The following OS9 variants were observed in gnomAD, a reference collection of about 807,000 sequenced individuals.
OS9 encodes the protein protein OS-9.
In OS9, 58 loss-of-function variants were observed where a neutral mutation model predicts 84.7. The observed-to-expected ratio is 0.68, with a 90% CI of 0.55 to 0.85. The LOEUF is 0.85. Among genes scored for constraint, OS9 ranks in the 40% least tolerant of loss-of-function variants. The pLI, the probability that OS9 is intolerant of heterozygous loss-of-function variation, is 0.00. For missense variants in OS9, 760 were observed against 850.9 expected (o/e 0.89, Z 1.33); for synonymous variants, 278 against 320.8 (o/e 0.87, Z 1.43).
At chr12:57,720,603 C>T in intron 14 of OS9, 85 bp downstream of exon 14, 2 of 1,279,852 alleles carry the variant, frequency 1.6e-6, no homozygotes, top group Non-Finnish European at 2.3e-6. Flanking sequence ...CATTGCTGAG[C>T]TTCCATTTCC....
In OS9 at chr12:57,716,393, C is replaced by A. The variant is rs1037284074; in HGVS notation, c.893-19C>A. 2 of 1,538,842 alleles carry A rather than the reference C, an allele frequency of 1.3e-6. No homozygotes were observed. Among genetic ancestry groups the A allele is most frequent in the Non-Finnish European group, 1.8e-6 (2 of 1,135,038 alleles). ...ACCCCTCCTGTCAGATCAGTCTCTC[C>A]CTGTTCTCTGTACCCTAGGTGCGAG... is the stretch of plus-strand genomic sequence containing the variant. On this transcript the variant is annotated intron_variant, in intron 7 of 14. Coordinates refer to ENST00000315970, the MANE Select transcript of OS9 (RefSeq NM_006812.4).
At chr12:57,697,730 T>G (rs904335556) in intron 5 of OS9, among the ~76,000 whole-genome samples, 3 of 152,194 alleles carry the variant, frequency 2.0e-5, no homozygotes, top group African/African-American at 7.2e-5. Context: ...GGCCTTTTTC[T>G]GTCCTTCGAA....
At chr12:57,700,133 G>A (rs1953977938) in intron 5 of OS9, among the ~76,000 whole-genome samples, 1 of 151,418 alleles carries the variant, frequency 6.6e-6, no homozygotes, top group African/African-American at 2.4e-5. Context: ...AAAAGAAACT[G>A]GAAATCTTTG....
Position 57,715,894 on chromosome 12 carries a change from T to G in OS9, c.714T>G (p.Ser238Arg). ...CPHPLLRPPPSAAPQAILCHP... is the reference protein window; with the variant it reads ...CPHPLLRPPPRAAPQAILCHP... ...ACCCTCTCCTCCGGCCCCCACCCAG[T>G]GCTGCACCGCAGGCCATCCTCTGTC... Residue 238 changes from serine to arginine, a missense_variant, in exon 6 of 15, where the codon AGT becomes AGG. By Grantham distance (110) the Ser-to-Arg change is moderately radical. Coordinates refer to ENST00000315970, the MANE Select transcript of OS9 (RefSeq NM_006812.4). 1 of 1,613,454 alleles carries G rather than the reference T, an allele frequency of 6.2e-7. No individual in the cohort carries two copies. The highest frequency in any genetic ancestry group is 8.5e-7 in the Non-Finnish European group (1 of 1,179,726).
chr12:57,698,089 G>A (rs1953919655), intron 5 of OS9, among the ~76,000 whole-genome samples: 1 of 152,176 alleles, frequency 6.6e-6, no homozygotes. Flanking sequence ...CTCTGGGAAG[G>A]CAGGGATGAT....
rs1954635418 is a variant in OS9, at chr12:57,720,249, G to T, written c.1751G>T (p.Gly584Val). Reference protein sequence around the residue: ...GLVKELLEREGLTAAGKIEIK... With the variant: ...GLVKELLEREVLTAAGKIEIK... ...GTGAAGGAGCTGCTGGAGAGGGAGG[G>T]ACTCACAGCTGCAGGTGGGCCCTGG... Residue 584 changes from glycine to valine, a missense_variant, in exon 13 of 15, where the codon GGA becomes GTA. Physicochemically the swap from Gly to Val is moderately radical, Grantham distance 109 (BLOSUM62 -3). Transcript: ENST00000315970. 10 of 1,613,916 alleles carry T rather than the reference G, an allele frequency of 6.2e-6. No individual in the cohort carries two copies. Among genetic ancestry groups the T allele is most frequent in the Non-Finnish European group, 7.6e-6 (9 of 1,179,984 alleles).
chr12:57,702,368 C>A (rs1221411561), intron 5 of OS9, among the ~76,000 whole-genome samples: 11 of 152,200 alleles, frequency 7.2e-5, no homozygotes, highest in Non-Finnish European at 1.5e-5. Flanking sequence ...TTTCACTTAG[C>A]ATGGTGTTTT....
intron 5 of OS9, among the ~76,000 whole-genome samples, chr12:57,699,055 AGGG>A (rs1327497154): frequency 6.6e-6 from 1 of 152,224 alleles, no homozygotes; most frequent in Admixed American, 6.5e-5. Flanking sequence ...AGACAGATTT[AGGG>A]GGTAAAATCA....
chr12:57,697,862 AACAC>A (rs71084786), intron 5 of OS9, among the ~76,000 whole-genome samples: 20 of 116,354 alleles, frequency 1.7e-4, no homozygotes, highest in African/African-American at 4.2e-4. Context: ...AACATAAGCA[AACAC>A]ACACACACAC....
At position 57,721,069 on chromosome 12, in the gene OS9, G is replaced by T; in HGVS notation, c.*160G>T. On this transcript the variant is annotated 3_prime_UTR_variant, in exon 15 of 15. Transcript: ENST00000315970. Reference sequence around the variant, plus strand: ...CTCTGTGGGTGTGGGGGCCCTGGGTGAATGCTGCTGCCCCTGCTGGCAGCC... The same window carrying T: ...CTCTGTGGGTGTGGGGGCCCTGGGTTAATGCTGCTGCCCCTGCTGGCAGCC... 1.3e-6 allele frequency: 1 copy of T among 745,624 alleles called. No homozygotes were observed. The allele number at this position is 745,624 out of a possible 1,614,324, so 46.2% of individuals were successfully genotyped here.
At chr12:57,697,598 G>A in intron 5 of OS9, among the ~76,000 whole-genome samples, 1 of 152,182 alleles carries the variant, frequency 6.6e-6, no homozygotes, top group East Asian at 1.9e-4. Flanking sequence ...GGATATTGAA[G>A]GTTGAGGTGC....
chr12:57,699,630 A>T, intron 5 of OS9, among the ~76,000 whole-genome samples: 1 of 152,260 alleles, frequency 6.6e-6, no homozygotes, highest in East Asian at 1.9e-4. Context: ...TGTACATGGA[A>T]ATAAAAAATT....
At chr12:57,712,885 T>A (rs971384350) in intron 5 of OS9, among the ~76,000 whole-genome samples, 1 of 151,996 alleles carries the variant, frequency 6.6e-6, no homozygotes, top group African/African-American at 2.4e-5. Context: ...GTTTCTTTCA[T>A]GAATTTGTTA....
At chr12:57,711,834 T>C (rs1954343624) in intron 5 of OS9, among the ~76,000 whole-genome samples, 1 of 152,154 alleles carries the variant, frequency 6.6e-6, no homozygotes, top group Admixed American at 6.5e-5. Context: ...AATGCCAATA[T>C]TCCCAACACT....
chr12:57,716,250 G>T (rs548681498), intron 7 of OS9, 57 bp downstream of exon 7: 19 of 753,690 alleles, frequency 2.5e-5, no homozygotes, highest in South Asian at 2.5e-4. Context: ...CCCTTCCCCT[G>T]ATCTTACTGT....
At chr12:57,700,517 C>G (rs1003099517) in intron 5 of OS9, among the ~76,000 whole-genome samples, 7 of 152,138 alleles carry the variant, frequency 4.6e-5, no homozygotes, top group Admixed American at 4.6e-4. Flanking sequence ...CCTAGGTGAT[C>G]AGGTAAAGCC....
chr12:57,719,300 T>C, intron 12 of OS9, 118 bp downstream of exon 12: 1 of 788,352 alleles, frequency 1.3e-6, no homozygotes, highest in Non-Finnish European at 2.0e-6. Flanking sequence ...CTCTCCCCAC[T>C]TTCTGGAACA....
intron 5 of OS9, among the ~76,000 whole-genome samples, chr12:57,699,119 TTAGA>T (rs1236749759): frequency 2.6e-5 from 4 of 152,048 alleles, no homozygotes; most frequent in Non-Finnish European, 4.4e-5. Flanking sequence ...GCTTGTGCAG[TTAGA>T]TAGAGGGTGA....
At chr12:57,698,719 A>C (rs1286478635) in intron 5 of OS9, among the ~76,000 whole-genome samples, 2 of 152,178 alleles carry the variant, frequency 1.3e-5, no homozygotes, top group African/African-American at 4.8e-5. Context: ...GACAAGAGGC[A>C]ATGGCCTATC....
Sources: gnomAD v4.1 joint callset for allele counts (sites outside exome capture counted in the v4.1 genomes callset) on GRCh38, gnomAD v4.1.1 for gene constraint, MANE v1.5 for transcripts, NCBI Gene and HGNC (gene_info 2026-07-23, HGNC 2026-07-21) for gene names.